The following METTL15 variants were observed in gnomAD, a reference collection of about 807,000 sequenced individuals.
The protein encoded by METTL15 is 12S rRNA N(4)-cytidine methyltransferase METTL15.
METTL15 carries 34 observed loss-of-function variants against 38.3 expected under a neutral mutation model. That is an observed-to-expected ratio of 0.89 (90% CI 0.68 to 1.18). The LOEUF (loss-of-function observed/expected upper bound fraction) is 1.18. METTL15 is among the 50% of genes most tolerant of loss of function. The pLI, the probability that METTL15 is intolerant of heterozygous loss-of-function variation, is 0.00. For missense variants in METTL15, 438 were observed against 498.4 expected (o/e 0.88, Z 1.15); for synonymous variants, 162 against 170.9 (o/e 0.95, Z 0.41).
At position 28,211,906 on chromosome 11, in the gene METTL15, G is replaced by T. The variant is rs565096116; in HGVS notation, c.407+708G>T. On this transcript the variant is annotated intron_variant, in intron 4 of 6. Transcript: ENST00000407364. ...TTGTTTTATTCTGTCATTCATCAGA[G>T]ACTGGAGTCAAGAAAATAGATGGGA... 2.0e-5 allele frequency among the ~76,000 whole-genome samples: 3 copies of T among 152,066 alleles called. No homozygotes were observed. In the East Asian group the frequency reaches 5.8e-4, roughly 29 times the overall value.
At chr11:28,301,287 C>G (rs1379240460) in intron 6 of METTL15, among the ~76,000 whole-genome samples, 1 of 152,082 alleles carries the variant, frequency 6.6e-6, no homozygotes, top group Non-Finnish European at 1.5e-5. Context: ...TGCCCTACCC[C>G]TACCCTTTTC....
At chr11:28,380,727 A>G (rs1312448504) in intron 5 of METTL15, among the ~76,000 whole-genome samples, 2 of 152,212 alleles carry the variant, frequency 1.3e-5, no homozygotes, top group African/African-American at 4.8e-5. Flanking sequence ...AGATGACAAC[A>G]TATCTTAGAT....
chr11:28,400,658 C>T (rs1197376913), intron 5 of METTL15, among the ~76,000 whole-genome samples: 7 of 151,904 alleles, frequency 4.6e-5, no homozygotes, highest in African/African-American at 1.7e-4. Context: ...GCTCAGTGGT[C>T]TATACAGAAC....
At chr11:28,350,420 G>A (rs1850030826) in intron 3 of METTL15, among the ~76,000 whole-genome samples, 1 of 152,076 alleles carries the variant, frequency 6.6e-6, no homozygotes. Flanking sequence ...AATTACATCT[G>A]GCATTAACAA....
At chr11:28,170,402 G>T (rs1455680807) in intron 3 of METTL15, among the ~76,000 whole-genome samples, 1 of 152,078 alleles carries the variant, frequency 6.6e-6, no homozygotes, top group African/African-American at 2.4e-5. Context: ...CCCCAAGAGA[G>T]GGTTCTTGGA....
chr11:28,429,391 C>CTCCCTT, intron 6 of METTL15, among the ~76,000 whole-genome samples: 1 of 128,866 alleles, frequency 7.8e-6, no homozygotes, highest in Admixed American at 8.3e-5. Context: ...CCCTCTCCCT[C>CTCCCTT]TCCCCACGGT....
downstream of METTL15, among the ~76,000 whole-genome samples, chr11:28,528,926 A>G (rs1435323732): frequency 2.0e-5 from 3 of 152,280 alleles, no homozygotes; most frequent in East Asian, 5.8e-4. Context: ...CCCTGTAGAG[A>G]AACAAAATGG....
chr11:28,513,564 G>C (rs1452536158), intron 6 of METTL15, among the ~76,000 whole-genome samples: 1 of 152,178 alleles, frequency 6.6e-6, no homozygotes, highest in East Asian at 1.9e-4. Flanking sequence ...CACACACACA[G>C]AAATATAGAG....
intron 6 of METTL15, among the ~76,000 whole-genome samples, chr11:28,436,563 GTT>G (rs571658383): frequency 7.2e-6 from 1 of 139,810 alleles, no homozygotes; most frequent in South Asian, 2.4e-4. Context: ...GACATTGAGT[GTT>G]TTTTTTTTTT....
At chr11:28,310,296 G>A (rs1857228615) in intron 6 of METTL15, among the ~76,000 whole-genome samples, 1 of 151,686 alleles carries the variant, frequency 6.6e-6, no homozygotes, top group Admixed American at 6.6e-5. Flanking sequence ...CAGAATGAAG[G>A]CAATTAGTTT....
chr11:28,502,150 A>G (rs2133492045), intron 6 of METTL15, among the ~76,000 whole-genome samples: 1 of 152,016 alleles, frequency 6.6e-6, no homozygotes, highest in Non-Finnish European at 1.5e-5. Context: ...CACAGAAACC[A>G]TAGACCCCCT....
intron 5 of METTL15, among the ~76,000 whole-genome samples, chr11:28,383,523 T>A (rs1038298631): frequency 2.0e-5 from 3 of 152,120 alleles, no homozygotes; most frequent in Non-Finnish European, 4.4e-5. Flanking sequence ...CTATTTTAAG[T>A]TTTCTGAAGA....
At chr11:28,128,727 G>C (rs772517353) in intron 3 of METTL15, among the ~76,000 whole-genome samples, 1 of 152,092 alleles carries the variant, frequency 6.6e-6, no homozygotes, top group Non-Finnish European at 1.5e-5. Context: ...AGTGTGAGTA[G>C]GGAAACTAAA....
At chr11:28,251,416 A>G (rs1180188240) in intron 4 of METTL15, among the ~76,000 whole-genome samples, 1 of 152,018 alleles carries the variant, frequency 6.6e-6, no homozygotes, top group Non-Finnish European at 1.5e-5. Context: ...ATTCCTAAAC[A>G]TTTCTATCCA....
intron 4 of METTL15, among the ~76,000 whole-genome samples, chr11:28,244,082 A>G (rs1431915266): frequency 1.3e-5 from 2 of 152,184 alleles, no homozygotes; most frequent in Non-Finnish European, 2.9e-5. Context: ...TATTATTTGA[A>G]GATTTATTCA....
intron 3 of METTL15, among the ~76,000 whole-genome samples, chr11:28,139,753 GAA>G (rs982600090): frequency 7.8e-6 from 1 of 128,256 alleles, no homozygotes. Context: ...TTTCCAAAAG[GAA>G]AAAAAAAAAA....
chr11:28,508,232 T>G (rs909171565), intron 6 of METTL15, among the ~76,000 whole-genome samples: 7 of 152,292 alleles, frequency 4.6e-5, no homozygotes, highest in South Asian at 4.1e-4. Context: ...TTTTGGTCAG[T>G]TTTTGTTTTC....
At chr11:28,357,774 G>A (rs1253343833) in intron 4 of METTL15, among the ~76,000 whole-genome samples, 1 of 152,096 alleles carries the variant, frequency 6.6e-6, no homozygotes, top group African/African-American at 2.4e-5. Flanking sequence ...CTGATCTAGT[G>A]CACAGAAATC....
intron 3 of METTL15, among the ~76,000 whole-genome samples, chr11:28,118,567 G>GAA (rs1227509674): frequency 6.6e-6 from 1 of 151,558 alleles, no homozygotes; most frequent in African/African-American, 2.4e-5. Flanking sequence ...GAAAACTGGA[G>GAA]AAAAAAAAGT....
Sources: gnomAD v4.1 joint callset for allele counts (sites outside exome capture counted in the v4.1 genomes callset) on GRCh38, gnomAD v4.1.1 for gene constraint, MANE v1.5 for transcripts, NCBI Gene and HGNC (gene_info 2026-07-23, HGNC 2026-07-21) for gene names.